Variants in NOL4L observed in about 807,000 individuals in gnomAD.
NOL4L encodes the protein nucleolar protein 4 like, also known as nucleolar protein 4-like.
Under a neutral mutation model 64.5 loss-of-function variants are expected in NOL4L, and 7 were observed. The ratio of observed to expected loss-of-function variants is 0.11; its 90% confidence interval spans 0.06 to 0.20. The LOEUF is 0.20. Among genes scored for constraint, NOL4L ranks in the 10% least tolerant of loss-of-function variants. The probability of loss-of-function intolerance (pLI) is 1.00; values close to 1 mark genes in which losing one functional copy is unlikely to be tolerated. For synonymous variants in NOL4L, 413 were observed against 401.0 expected (o/e 1.03, Z -0.36); for missense variants, 680 against 967.1 (o/e 0.70, Z 3.94).
intron 4 of NOL4L, among the ~76,000 whole-genome samples, chr20:32,485,058 CAAAAAAA>C (rs57444583): frequency 0.074 from 1,322 of 17,788 alleles, 29 homozygotes; most frequent in Admixed American, 0.22. Context: ...GGGAAATTGC[CAAAAAAA>C]AAAAAAAAAA....
intron 1 of NOL4L, among the ~76,000 whole-genome samples, chr20:32,566,515 T>C (rs1482642710): frequency 6.6e-6 from 1 of 152,130 alleles, no homozygotes; most frequent in Non-Finnish European, 1.5e-5. Flanking sequence ...GGTCTTTTGA[T>C]TCCCAAATAC....
chr20:32,496,658 C>A (rs1044610833), intron 4 of NOL4L, among the ~76,000 whole-genome samples: 10 of 152,012 alleles, frequency 6.6e-5, no homozygotes, highest in Non-Finnish European at 1.3e-4. Flanking sequence ...TCAAGTGATT[C>A]TTCTGCCTCA....
chr20:32,528,733 G>A (rs1460503273), intron 1 of NOL4L, among the ~76,000 whole-genome samples: 1 of 152,246 alleles, frequency 6.6e-6, no homozygotes. Flanking sequence ...GGGCCCGGAA[G>A]GGAACGGACT....
intron 4 of NOL4L, among the ~76,000 whole-genome samples, chr20:32,478,522 AG>A (rs1394518700): frequency 6.6e-6 from 1 of 152,162 alleles, no homozygotes; most frequent in Non-Finnish European, 1.5e-5. Flanking sequence ...CCAGCTCCCC[AG>A]GAAGTTTTCC....
At chr20:32,462,675 G>A (rs1488813047) in intron 5 of NOL4L, among the ~76,000 whole-genome samples, 1 of 152,098 alleles carries the variant, frequency 6.6e-6, no homozygotes, top group Non-Finnish European at 1.5e-5. Context: ...GGGAGGTAGA[G>A]GCAGGCAGAT....
At chr20:32,504,567 A>AG (rs1555799782) in intron 4 of NOL4L, among the ~76,000 whole-genome samples, 9 of 151,422 alleles carry the variant, frequency 5.9e-5, no homozygotes, top group South Asian at 2.1e-4. Context: ...CAAAAAAAAA[A>AG]AAAGAAAGAA....
At chr20:32,502,963 T>C (rs141136141) in intron 4 of NOL4L, among the ~76,000 whole-genome samples, 2 of 151,266 alleles carry the variant, frequency 1.3e-5, no homozygotes, top group African/African-American at 2.4e-5. Flanking sequence ...TCAAAACAAG[T>C]TAAAAAAGGG....
At chr20:32,469,170 C>A (rs1212305170) in intron 5 of NOL4L, among the ~76,000 whole-genome samples, 2 of 152,070 alleles carry the variant, frequency 1.3e-5, no homozygotes, top group African/African-American at 4.8e-5. Flanking sequence ...ACTGACTAGA[C>A]AAGCTTTGAA....
intron 4 of NOL4L, among the ~76,000 whole-genome samples, chr20:32,485,350 G>T (rs1050340348): frequency 6.6e-6 from 1 of 151,990 alleles, no homozygotes; most frequent in African/African-American, 2.4e-5. Context: ...GGTAAACAAG[G>T]CTCCCTCTAC....
At position 32,456,382 on chromosome 20, in the gene NOL4L, A is replaced by G; in HGVS notation, c.855T>C (p.Ser285=). The G allele has an allele frequency of 6.8e-7, 1 of 1,466,558 alleles. No homozygotes were observed. The highest frequency in any genetic ancestry group is 9.0e-7 in the Non-Finnish European group (1 of 1,105,660). 90.8% of individuals were successfully genotyped at this position (1,466,558 alleles called of 1,614,324 possible). The change falls in exon 6 of 11, where the codon TCT becomes TCC. Residue 285 remains serine (S), a synonymous_variant. Transcript: ENST00000621426. ...LHSQEDDDSS[S]ESGSGNGSST... is the part of the protein sequence containing the mutation. ...AGGAGCCATTGCCGCTGCCACTCTCAGAGGAGGAGTCATCTGGAATGAGAG... is the reference window on the plus strand; with the variant it reads ...AGGAGCCATTGCCGCTGCCACTCTCGGAGGAGGAGTCATCTGGAATGAGAG...
chr20:32,491,451 C>T (rs971297152), intron 4 of NOL4L, among the ~76,000 whole-genome samples: 3 of 152,214 alleles, frequency 2.0e-5, no homozygotes, highest in Non-Finnish European at 4.4e-5. Context: ...TCTGAACTGA[C>T]GCGTTTGTGG....
chr20:32,456,783 C>T (rs2013579969), intron 5 of NOL4L, among the ~76,000 whole-genome samples: 1 of 152,226 alleles, frequency 6.6e-6, no homozygotes, highest in African/African-American at 2.4e-5. Flanking sequence ...CCCCAGCTCC[C>T]AGGACCGCAC....
intron 5 of NOL4L, among the ~76,000 whole-genome samples, chr20:32,461,421 C>CT (rs869282447): frequency 0.2 from 11,887 of 58,262 alleles, 761 homozygotes; most frequent in Non-Finnish European, 0.23. Flanking sequence ...CCTTTCTTTT[C>CT]TTTTTTTTTT....
intron 4 of NOL4L, among the ~76,000 whole-genome samples, chr20:32,499,738 CAAAAAAAAAAAAAA>C (rs10692885): frequency 1.9e-5 from 1 of 51,360 alleles, no homozygotes; most frequent in Non-Finnish European, 3.8e-5. Flanking sequence ...GACCTTGTCT[CAAAAAAAAAAAAAA>C]AAAAAAAAGG....
chr20:32,531,853 C>T (rs969933629), intron 1 of NOL4L, among the ~76,000 whole-genome samples: 3 of 152,154 alleles, frequency 2.0e-5, no homozygotes, highest in Non-Finnish European at 4.4e-5. Context: ...GTCCCTCTGA[C>T]GCGTCCAGAG....
At chr20:32,542,653 C>T (rs2018674805) in intron 1 of NOL4L, among the ~76,000 whole-genome samples, 1 of 152,198 alleles carries the variant, frequency 6.6e-6, no homozygotes, top group Admixed American at 6.5e-5. Context: ...TGTGCTCAGC[C>T]CCTACTCTAC....
At chr20:32,551,504 A>C (rs1355601646) in intron 1 of NOL4L, among the ~76,000 whole-genome samples, 1 of 152,206 alleles carries the variant, frequency 6.6e-6, no homozygotes, top group Non-Finnish European at 1.5e-5. Flanking sequence ...GACTGTACTG[A>C]TACATGCTAC....
chr20:32,453,840 T>C lies in NOL4L; in HGVS notation c.1120-79A>G. On this transcript the variant is annotated intron_variant, in intron 6 of 10. Coordinates refer to ENST00000621426, the MANE Select transcript of NOL4L (RefSeq NM_001256798.2). This position sits in a 1 kb window ranked among gnomAD's most constrained non-coding sequence, Gnocchi z 5.6. ...GCTGGGTCTCCTACAGGCGGTGAGC[T>C]TGGGGACCAGGGTGGCACGCATGCC... 7.1e-7 allele frequency: 1 copy of C among 1,407,346 alleles called. No homozygotes were observed. The highest frequency in any genetic ancestry group is 9.7e-7 in the Non-Finnish European group (1 of 1,030,014). 87.2% of individuals were successfully genotyped at this position (1,407,346 alleles called of 1,614,324 possible). A position where few individuals can be genotyped will look rare whatever the true frequency, so the allele number is the denominator to read the frequency against.
chr20:32,492,155 G>A (rs1750916657), intron 4 of NOL4L, among the ~76,000 whole-genome samples: 1 of 147,562 alleles, frequency 6.8e-6, no homozygotes, highest in African/African-American at 2.5e-5. Flanking sequence ...TGGTAGGCTG[G>A]TCATAGCAGC....
Sources: gnomAD v4.1 joint callset for allele counts (sites outside exome capture counted in the v4.1 genomes callset) on GRCh38, gnomAD v4.1.1 for gene constraint, Gnocchi (gnomAD v3.1) non-coding constraint, MANE v1.5 for transcripts, NCBI Gene and HGNC (gene_info 2026-07-23, HGNC 2026-07-21) for gene names.